MEOX2: variants seen among roughly 807,000 people sequenced by gnomAD.
MEOX2 encodes homeobox protein MOX-2.
Under a neutral mutation model 27.0 loss-of-function variants are expected in MEOX2, and 11 were observed. The observed-to-expected ratio is 0.41, with a 90% CI of 0.26 to 0.68. The LOEUF is 0.68. Ranked by LOEUF, MEOX2 falls within the 30% of genes least tolerant of loss-of-function variation. The probability of loss-of-function intolerance (pLI) is 0.33; values close to 1 mark genes in which losing one functional copy is unlikely to be tolerated. For missense variants in MEOX2, 436 were observed against 385.4 expected, an observed-to-expected ratio of 1.13 and a Z score of -1.10; for synonymous variants, 189 against 155.4, an observed-to-expected ratio of 1.22 and a Z score of -1.61.
intron 1 of MEOX2, among the ~76,000 whole-genome samples, chr7:15,672,752 T>C (rs914548762): frequency 2.0e-5 from 3 of 151,066 alleles, no homozygotes; most frequent in South Asian, 2.1e-4. Flanking sequence ...ATTAGCCGGG[T>C]ATGGTGGCAC....
At chr7:15,673,108 C>G (rs956631556) in intron 1 of MEOX2, among the ~76,000 whole-genome samples, 1 of 152,122 alleles carries the variant, frequency 6.6e-6, no homozygotes, top group Non-Finnish European at 1.5e-5. Context: ...ATTTCCTATG[C>G]CAGAAATAGG....
chr7:15,668,722 C>T (rs369473630), intron 1 of MEOX2, among the ~76,000 whole-genome samples: 2 of 152,006 alleles, frequency 1.3e-5, no homozygotes, highest in South Asian at 2.1e-4. Flanking sequence ...ATGATCCGCT[C>T]GCCTCAGCCT....
At chr7:15,664,545 T>A (rs1034602609) in intron 1 of MEOX2, among the ~76,000 whole-genome samples, 1 of 152,124 alleles carries the variant, frequency 6.6e-6, no homozygotes, top group Non-Finnish European at 1.5e-5. Context: ...GACCCCACCT[T>A]TCTAGTAAAA....
intron 1 of MEOX2, among the ~76,000 whole-genome samples, chr7:15,682,645 C>T (rs571901090): frequency 3.3e-5 from 5 of 151,768 alleles, no homozygotes; most frequent in Non-Finnish European, 5.9e-5. Context: ...AGCTAAAGTT[C>T]GATCAATGAA....
intron 1 of MEOX2, among the ~76,000 whole-genome samples, chr7:15,630,769 A>T (rs918648030): frequency 2.0e-5 from 3 of 152,070 alleles, no homozygotes; most frequent in Non-Finnish European, 4.4e-5. Context: ...ATGGAGTCAG[A>T]AAAATTTATG....
chr7:15,621,101 CT>C (rs1490646714), intron 2 of MEOX2, among the ~76,000 whole-genome samples: 2 of 152,094 alleles, frequency 1.3e-5, no homozygotes, highest in Non-Finnish European at 2.9e-5. Context: ...TTAAAAATAC[CT>C]TGAAACTGGA....
intron 1 of MEOX2, among the ~76,000 whole-genome samples, chr7:15,670,237 C>A (rs1366101651): frequency 6.6e-6 from 1 of 152,136 alleles, no homozygotes; most frequent in Non-Finnish European, 1.5e-5. Flanking sequence ...TTAGGATGCA[C>A]TTTGTCCTCT....
intron 1 of MEOX2, among the ~76,000 whole-genome samples, chr7:15,659,345 G>A (rs182200733): frequency 6.6e-6 from 1 of 152,204 alleles, no homozygotes; most frequent in Admixed American, 6.5e-5. Context: ...ACAGGAATTA[G>A]TGGTAGTAAA....
intron 1 of MEOX2, among the ~76,000 whole-genome samples, chr7:15,646,548 G>C (rs3801421): frequency 0.8 from 121,859 of 151,954 alleles, 49,341 homozygotes; most frequent in East Asian, 0.9. Context: ...GAAAATATTA[G>C]TTGTTTGATT....
At chr7:15,659,758 C>CAA (rs58319551) in intron 1 of MEOX2, among the ~76,000 whole-genome samples, 528 of 51,618 alleles carry the variant, frequency 0.01, 10 homozygotes, top group Middle Eastern at 0.013. Flanking sequence ...AGACTGCTCT[C>CAA]AAAAAAAAAA....
chr7:15,623,775 C>T (rs904344129), intron 2 of MEOX2, among the ~76,000 whole-genome samples: 1 of 152,244 alleles, frequency 6.6e-6, no homozygotes, highest in African/African-American at 2.4e-5. Flanking sequence ...CAACCAGAAA[C>T]ATTATCCAAT....
chr7:15,628,961 G>T (rs1781358305), intron 1 of MEOX2, among the ~76,000 whole-genome samples: 1 of 151,984 alleles, frequency 6.6e-6, no homozygotes, highest in Admixed American at 6.6e-5. Flanking sequence ...TTGCCAATTT[G>T]GATCCCTGCT....
intron 2 of MEOX2, among the ~76,000 whole-genome samples, chr7:15,621,701 C>T (rs982700692): frequency 6.6e-6 from 1 of 152,190 alleles, no homozygotes; most frequent in Admixed American, 6.5e-5. Flanking sequence ...CCACAAATAA[C>T]ATCAGTGATA....
At chr7:15,628,525 G>T (rs1397901234) in intron 1 of MEOX2, among the ~76,000 whole-genome samples, 3 of 152,084 alleles carry the variant, frequency 2.0e-5, no homozygotes, top group Admixed American at 2.0e-4. Context: ...ACTTATCCCT[G>T]TATCAGCTAG....
chr7:15,639,049 C>T (rs1781524088), intron 1 of MEOX2, among the ~76,000 whole-genome samples: 1 of 152,066 alleles, frequency 6.6e-6, no homozygotes, highest in Non-Finnish European at 1.5e-5. Context: ...GCTGAGAAAT[C>T]TCCATACTGT....
chr7:15,657,373 A>G (rs996908296), intron 1 of MEOX2, among the ~76,000 whole-genome samples: 1 of 151,628 alleles, frequency 6.6e-6, no homozygotes, highest in African/African-American at 2.4e-5. Context: ...TATGGTAAAA[A>G]TTTTTTTTCA....
chr7:15,657,664 C>T (rs1334810112), intron 1 of MEOX2, among the ~76,000 whole-genome samples: 1 of 152,082 alleles, frequency 6.6e-6, no homozygotes, highest in Non-Finnish European at 1.5e-5. Flanking sequence ...TGATTTAAAA[C>T]ATTTTTAGCC....
intron 1 of MEOX2, among the ~76,000 whole-genome samples, chr7:15,640,109 C>T (rs954867639): frequency 1.3e-5 from 2 of 151,986 alleles, no homozygotes; most frequent in African/African-American, 4.8e-5. Flanking sequence ...TTCTTCCTAT[C>T]CATGGGATGT....
rs1033066102 is a variant in MEOX2, at chr7:15,611,498, T to G, written c.*889A>C. 7 of 152,660 alleles carry G rather than the reference T, an allele frequency of 4.6e-5. No individual in the cohort carries two copies. Among genetic ancestry groups the G allele is most frequent in the Admixed American group, 4.6e-4 (7 of 15,286 alleles). 9.5% of individuals were successfully genotyped at this position (152,660 alleles called of 1,614,324 possible). ...ACAATGTCTGTCATACAAAGCTCTT[T>G]CTGCAAGGTAACTGATTTGCCTATG... On this transcript the variant is annotated 3_prime_UTR_variant, in exon 3 of 3. Transcript: ENST00000262041.
Sources: allele counts gnomAD v4.1 joint callset (sites outside exome capture counted in the v4.1 genomes callset), GRCh38; gene constraint gnomAD v4.1.1; transcripts MANE v1.5; gene names NCBI Gene and HGNC (gene_info 2026-07-23, HGNC 2026-07-21).